Variants in PCDHA8 observed in about 807,000 individuals in gnomAD.
PCDHA8 encodes the protein protocadherin alpha-8.
In PCDHA8, 53 loss-of-function variants were observed where a neutral mutation model predicts 61.8. The observed-to-expected ratio is 0.86, with a 90% CI of 0.69 to 1.08. The LOEUF is 1.08. Among genes scored for constraint, PCDHA8 ranks in the 50% least tolerant of loss-of-function variants. PCDHA8 has a pLI of 0.00. For synonymous variants in PCDHA8, 618 were observed against 556.6 expected, an observed-to-expected ratio of 1.11 and a Z score of -1.55; for missense variants, 1,293 against 1,245.0, an observed-to-expected ratio of 1.04 and a Z score of -0.58.
chr5:140,850,741 C>A, intron 1 of PCDHA8: 1 of 1,597,822 alleles, frequency 6.3e-7, no homozygotes, highest in Non-Finnish European at 8.6e-7. Context: ...GGGAGTTGGT[C>A]GTACTCGCAG....
At chr5:140,888,752 C>A (rs782384703) in intron 1 of PCDHA8, among the ~76,000 whole-genome samples, 44 of 151,842 alleles carry the variant, frequency 2.9e-4, no homozygotes, top group Non-Finnish European at 5.7e-4. Context: ...TTATTCTACC[C>A]ACTTTTTTTT....
At position 140,926,799 on chromosome 5, in the gene PCDHA8, T is replaced by G. The variant is rs561004739; in HGVS notation, c.2395-52150T>G. Reference sequence around the variant, plus strand: ...AGTGACGGCCGGCAGGAGCGTGCTCTTCCCCGCGGCTCGTGCTCTCCAGGA... The same window carrying G: ...AGTGACGGCCGGCAGGAGCGTGCTCGTCCCCGCGGCTCGTGCTCTCCAGGA... On this transcript the variant is annotated intron_variant, in intron 1 of 3. Transcript: ENST00000531613. The G allele has an allele frequency of 1.6e-4, 230 of 1,456,322 alleles. 2 individuals carry two copies. The African/African-American group carries it at 2.6e-3, about 16-fold the overall frequency. The allele number at this position is 1,456,322 out of a possible 1,614,324, so 90.2% of individuals were successfully genotyped here.
At chr5:140,984,588 T>C (rs1338170509) in intron 3 of PCDHA8, among the ~76,000 whole-genome samples, 1 of 152,170 alleles carries the variant, frequency 6.6e-6, no homozygotes, top group Non-Finnish European at 1.5e-5. Flanking sequence ...AATCATACTT[T>C]TCAATACATA....
chr5:140,983,218 C>T (rs757778991), intron 3 of PCDHA8, among the ~76,000 whole-genome samples: 10 of 152,128 alleles, frequency 6.6e-5, no homozygotes, highest in Non-Finnish European at 1.5e-4. Flanking sequence ...ATTTCCTAAT[C>T]CAAACTTTCA....
At chr5:140,979,922 A>T (rs1317860679) in intron 2 of PCDHA8, among the ~76,000 whole-genome samples, 1 of 152,276 alleles carries the variant, frequency 6.6e-6, no homozygotes, top group Non-Finnish European at 1.5e-5. Flanking sequence ...GAGAAAGCCT[A>T]CAAAGTATGT....
In PCDHA8 at chr5:140,858,343, G is replaced by A. The variant is rs1554151440; in HGVS notation, c.2394+14628G>A. On this transcript the variant is annotated intron_variant, in intron 1 of 3. Coordinates refer to ENST00000531613, the MANE Select transcript of PCDHA8 (RefSeq NM_018911.3). ...GTTCTGGGGAGGGCCTGCCCAAGGC[G>A]GACCTCATGGCCTTCAGCCCCAGCC... 9 of 1,594,924 alleles carry A rather than the reference G, an allele frequency of 5.6e-6. 1 individual carries two copies. The highest frequency in any genetic ancestry group is 6.9e-6 in the Non-Finnish European group (8 of 1,165,636).
chr5:140,851,054 T>G, intron 1 of PCDHA8: 1 of 1,379,124 alleles, frequency 7.3e-7, no homozygotes, highest in Non-Finnish European at 9.5e-7. Context: ...GACTTTGTCT[T>G]GACTTCTAGT....
At chr5:140,993,273 T>C (rs1212746492) in intron 3 of PCDHA8, among the ~76,000 whole-genome samples, 1 of 152,176 alleles carries the variant, frequency 6.6e-6, no homozygotes, top group Non-Finnish European at 1.5e-5. Flanking sequence ...TTCTTTGGTC[T>C]TTTCTTGCCC....
intron 1 of PCDHA8, chr5:140,875,895 T>C (rs2153332421): frequency 1.2e-6 from 2 of 1,614,196 alleles, no homozygotes; most frequent in Non-Finnish European, 1.7e-6. Flanking sequence ...AAAAGGTACC[T>C]GTTTCTGAAT....
At chr5:140,848,946 C>T (rs2150425951) in intron 1 of PCDHA8, 32 of 1,607,242 alleles carry the variant, frequency 2.0e-5, no homozygotes, top group Non-Finnish European at 2.5e-5. Flanking sequence ...GCTTGACTCT[C>T]GGTTTCCACT....
intron 1 of PCDHA8, chr5:140,862,359 CG>C: frequency 3.0e-6 from 1 of 337,856 alleles, no homozygotes; most frequent in Non-Finnish European, 5.8e-6. Flanking sequence ...AAGGGACAGA[CG>C]ACCCGCACCC....
chr5:140,875,517 G>A (rs2055556431), intron 1 of PCDHA8: 7 of 1,614,024 alleles, frequency 4.3e-6, no homozygotes, highest in Non-Finnish European at 5.9e-6. Flanking sequence ...AGCGTCTGCT[G>A]CTCTCGCTTC....
At chr5:140,916,367 CT>C (rs1359695566) in intron 1 of PCDHA8, among the ~76,000 whole-genome samples, 1 of 152,196 alleles carries the variant, frequency 6.6e-6, no homozygotes, top group Non-Finnish European at 1.5e-5. Flanking sequence ...GAGTCTTTCA[CT>C]GTAGCCACCA....
chr5:140,927,756 T>G (rs782307164), intron 1 of PCDHA8: 2 of 1,614,012 alleles, frequency 1.2e-6, no homozygotes, highest in South Asian at 1.1e-5. Flanking sequence ...ACGTGCACCC[T>G]AAAAGTGGGG....
intron 1 of PCDHA8, among the ~76,000 whole-genome samples, chr5:140,872,655 G>A (rs1474105243): frequency 6.6e-6 from 1 of 152,046 alleles, no homozygotes; most frequent in African/African-American, 2.4e-5. Context: ...CAAGAGATTT[G>A]TCAACTATTG....
chr5:140,842,923 G>C lies in PCDHA8; in HGVS notation c.1602G>C (p.Gln534His). 1 of 1,594,642 alleles carries C rather than the reference G, an allele frequency of 6.3e-7. No homozygotes were observed. Among genetic ancestry groups the C allele is most frequent in the Non-Finnish European group, 8.6e-7 (1 of 1,165,474 alleles). The change falls in exon 1 of 4, where the codon CAG becomes CAC. Residue 534 changes from glutamine (Q) to histidine (H), a missense_variant. Gln to His is a conservative substitution (Grantham distance 24). Transcript: ENST00000531613. ...DHEELELLQF[Q>H]VSARDAGVPP... ...AGGAGCTAGAGCTGCTGCAGTTCCA[G>C]GTGAGCGCGCGCGACGCGGGCGTGC...
chr5:140,948,281 T>C (rs1375756050), intron 1 of PCDHA8, among the ~76,000 whole-genome samples: 1 of 151,620 alleles, frequency 6.6e-6, no homozygotes, highest in Non-Finnish European at 1.5e-5. Context: ...TATCTGTAAA[T>C]AATTTTGTAA....
intron 1 of PCDHA8, chr5:140,969,351 G>T: frequency 6.2e-7 from 1 of 1,612,990 alleles, no homozygotes; most frequent in Non-Finnish European, 8.5e-7. Flanking sequence ...TGGTCAGGGG[G>T]TCTTCTACAA....
chr5:140,940,045 G>T (rs2092536047), intron 1 of PCDHA8, among the ~76,000 whole-genome samples: 1 of 152,038 alleles, frequency 6.6e-6, no homozygotes, highest in African/African-American at 2.4e-5. Flanking sequence ...TATTTTATTA[G>T]ATTCTTAACC....
Sources: allele counts gnomAD v4.1 joint callset (sites outside exome capture counted in the v4.1 genomes callset), GRCh38; gene constraint gnomAD v4.1.1; transcripts MANE v1.5; gene names NCBI Gene and HGNC (gene_info 2026-07-23, HGNC 2026-07-21).